The following LMBR1L variants were observed in gnomAD, a reference collection of about 807,000 sequenced individuals.
The protein encoded by LMBR1L is protein LMBR1L.
Under a neutral mutation model 67.3 loss-of-function variants are expected in LMBR1L, and 47 were observed. The observed-to-expected ratio is 0.70, with a 90% confidence interval of 0.55 to 0.89. The LOEUF is 0.89. Among genes scored for constraint, LMBR1L ranks in the 40% least tolerant of loss-of-function variants. LMBR1L has a pLI of 0.00. For synonymous variants in LMBR1L, 247 were observed against 250.3 expected (o/e 0.99, Z 0.13); for missense variants, 533 against 599.2 (o/e 0.89, Z 1.15).
chr12:49,099,524 G>A (rs915818077), intron 15 of LMBR1L, among the ~76,000 whole-genome samples: 12 of 151,810 alleles, frequency 7.9e-5, no homozygotes, highest in South Asian at 4.2e-4. Flanking sequence ...GTAGGAGGGC[G>A]GCTGTTACCT....
In LMBR1L at chr12:49,102,281, G is replaced by A. The variant is rs774312823; in HGVS notation, c.853+12C>T. On this transcript the variant is annotated intron_variant, in intron 10 of 16. Transcript: ENST00000267102. ...GAAACCCAGGTATCCCAAGCCCTACGAAGCCACATACCCAGCAGGACCCTC... is the reference window on the plus strand; with the variant it reads ...GAAACCCAGGTATCCCAAGCCCTACAAAGCCACATACCCAGCAGGACCCTC... 68 of 1,613,974 alleles carry A rather than the reference G, an allele frequency of 4.2e-5. No individual in the cohort carries two copies. The highest frequency in any genetic ancestry group is 1.6e-4 in the Middle Eastern group (1 of 6,080).
At chr12:49,101,886 C>T in intron 11 of LMBR1L, 1 of 589,464 alleles carries the variant, frequency 1.7e-6, no homozygotes, top group Non-Finnish European at 3.0e-6. Context: ...TGCACAACTC[C>T]TCACTGGCCC....
intron 12 of LMBR1L, 41 bp downstream of exon 12, chr12:49,101,431 A>C (rs1331691601): frequency 6.2e-7 from 1 of 1,609,482 alleles, no homozygotes; most frequent in Admixed American, 1.7e-5. Flanking sequence ...AGCTGTTCTT[A>C]GGCCCTCCCC....
intron 3 of LMBR1L, among the ~76,000 whole-genome samples, chr12:49,105,385 C>T (rs530506233): frequency 3.9e-5 from 6 of 152,254 alleles, no homozygotes; most frequent in African/African-American, 1.2e-4. Flanking sequence ...GTCTATGCCC[C>T]GGGCTGCATA....
chr12:49,107,574 T>C (rs1319150011), intron 1 of LMBR1L, among the ~76,000 whole-genome samples: 1 of 152,138 alleles, frequency 6.6e-6, no homozygotes, highest in East Asian at 1.9e-4. Flanking sequence ...AGTCACAACT[T>C]CTATTCCATG....
chr12:49,106,410 A>G, intron 2 of LMBR1L: 1 of 427,216 alleles, frequency 2.3e-6, no homozygotes, highest in South Asian at 1.8e-5. Context: ...ATCCTGAGCC[A>G]TCCTAAGAGG....
At position 49,105,954 on chromosome 12, in the gene LMBR1L, T is replaced by A. The variant is rs1350111183; in HGVS notation, c.161A>T (p.Asp54Val). The A allele has an allele frequency of 6.2e-7, 1 of 1,613,016 alleles. No homozygotes were observed. The highest frequency in any genetic ancestry group is 8.5e-7 in the Non-Finnish European group (1 of 1,179,654). The change falls in exon 3 of 17, where the codon GAT becomes GTT. Residue 54 changes from aspartate (D) to valine (V), a missense_variant. Coordinates refer to ENST00000267102, the MANE Select transcript of LMBR1L (RefSeq NM_018113.4). ...CTTGTTGACGGTGGCATCTTCATCA[T>A]CCACTGTAAGAGACAGAGGCACGGG... ...FKKPAEFTTV[D>V]DEDATVNKIA...
intron 11 of LMBR1L, 56 bp from the exon 12 acceptor site, chr12:49,101,605 G>A (rs1213907914): frequency 7.5e-6 from 10 of 1,332,562 alleles, no homozygotes; most frequent in Non-Finnish European, 9.6e-6. Flanking sequence ...TGGACCCAGA[G>A]CTAAAGGAAT....
chr12:49,108,846 G>A (rs1050029080), intron 1 of LMBR1L, among the ~76,000 whole-genome samples: 2 of 152,190 alleles, frequency 1.3e-5, no homozygotes, highest in African/African-American at 2.4e-5. Context: ...CCAGTCTCCA[G>A]AAAGGGCTGA....
At chr12:49,103,265 G>A (rs1940455319) in intron 6 of LMBR1L, 106 bp from the exon 7 acceptor site, 1 of 914,640 alleles carries the variant, frequency 1.1e-6, no homozygotes, top group Admixed American at 2.3e-5. Context: ...ACAGGGGTTA[G>A]GCAATTAATA....
intron 5 of LMBR1L, chr12:49,104,044 T>A (rs1341603064): frequency 3.9e-6 from 2 of 517,798 alleles, no homozygotes; most frequent in East Asian, 6.4e-5. Flanking sequence ...TTCCTTGTCA[T>A]TGTGTGCTCT....
intron 1 of LMBR1L, 198 bp downstream of exon 1, chr12:49,110,286 T>G: frequency 1.7e-6 from 1 of 605,818 alleles, no homozygotes; most frequent in Admixed American, 2.8e-5. Context: ...ACGGCCTTTG[T>G]TTATCGCTCA....
At chr12:49,103,276 C>T in intron 6 of LMBR1L, 117 bp from the exon 7 acceptor site, 1 of 835,196 alleles carries the variant, frequency 1.2e-6, no homozygotes, top group Non-Finnish European at 1.9e-6. Flanking sequence ...GCAATTAATA[C>T]AAATGAAGAA....
intron 2 of LMBR1L, 144 bp from the exon 3 acceptor site, chr12:49,106,101 A>G (rs1940872730): frequency 3.1e-6 from 2 of 650,418 alleles, no homozygotes; most frequent in Non-Finnish European, 5.4e-6. Context: ...GAGACCACAC[A>G]TTATGAACTC....
Position 49,102,879 on chromosome 12 carries a change from C to A in LMBR1L, c.696+8G>T. 6.2e-7 allele frequency: 1 copy of A among 1,613,718 alleles called. No individual in the cohort carries two copies. The highest frequency in any genetic ancestry group is 1.1e-5 in the South Asian group (1 of 91,072). ...CTGCAGGATCAAAGAGCAAGGAATA[C>A]CACATACCCGGGGCTTGACTAGCAG... On this transcript the variant is annotated splice_region_variant and intron_variant, in intron 8 of 16. Transcript: ENST00000267102.
chr12:49,097,566 C>T lies in LMBR1L; in HGVS notation c.*106G>A, dbSNP rs1939541921. The T allele has an allele frequency of 1.1e-5, 12 of 1,142,702 alleles. No individual in the cohort carries two copies. Among genetic ancestry groups the T allele is most frequent in the Non-Finnish European group, 1.6e-5 (12 of 765,480 alleles). 70.8% of individuals were successfully genotyped at this position (1,142,702 alleles called of 1,614,324 possible). A position where few individuals can be genotyped will look rare whatever the true frequency, so the allele number is the denominator to read the frequency against. ...GGCTCTGCTCCCCTCTGCCACCCAC[C>T]CTCTCAGATTCCAGGTCCTGAGGTC... On this transcript the variant is annotated 3_prime_UTR_variant, in exon 17 of 17. Transcript: ENST00000267102.
chr12:49,110,424 G>A, intron 1 of LMBR1L, 60 bp downstream of exon 1: 1 of 1,533,362 alleles, frequency 6.5e-7, no homozygotes, highest in Middle Eastern at 1.7e-4. Flanking sequence ...GGTGGGCTCG[G>A]ACCCCAACCT....
Position 49,097,928 on chromosome 12 carries a change from C to T in LMBR1L, c.1402+16G>A, listed in dbSNP as rs200165364. On this transcript the variant is annotated intron_variant, in intron 16 of 16. Coordinates refer to ENST00000267102, the MANE Select transcript of LMBR1L (RefSeq NM_018113.4). ...ATTACCACCCCCCACTAGCCTGCACCCTCACTCCCTCTCACCAAAGGCCCG... is the reference window on the plus strand; with the variant it reads ...ATTACCACCCCCCACTAGCCTGCACTCTCACTCCCTCTCACCAAAGGCCCG... 3.1e-6 allele frequency: 5 copies of T among 1,605,844 alleles called. No homozygotes were observed. The African/African-American group carries it at 6.7e-5, about 21-fold the overall frequency.
intron 3 of LMBR1L, 143 bp from the exon 4 acceptor site, chr12:49,105,028 G>A: frequency 2.1e-6 from 2 of 937,458 alleles, no homozygotes; most frequent in Non-Finnish European, 3.2e-6. Flanking sequence ...CTGTCCAGCT[G>A]GGGTTCTACC....
Sources: allele counts gnomAD v4.1 joint callset (sites outside exome capture counted in the v4.1 genomes callset), GRCh38; gene constraint gnomAD v4.1.1; transcripts MANE v1.5; gene names NCBI Gene and HGNC (gene_info 2026-07-23, HGNC 2026-07-21).